VPS35L: variants seen among roughly 807,000 people sequenced by gnomAD.
VPS35L encodes VPS35 endosomal protein-sorting factor-like.
In VPS35L, 83 loss-of-function variants were observed where a neutral mutation model predicts 133.0. That is an observed-to-expected ratio of 0.62 (90% confidence interval 0.52 to 0.75). The LOEUF is 0.75. Ranked by LOEUF, VPS35L falls within the 30% of genes least tolerant of loss-of-function variation. The probability of loss-of-function intolerance (pLI) is 0.00; values close to 1 mark genes in which losing one functional copy is unlikely to be tolerated. For synonymous variants in VPS35L, 423 were observed against 449.9 expected, an observed-to-expected ratio of 0.94 and a Z score of 0.76; for missense variants, 1,083 against 1,206.8, an observed-to-expected ratio of 0.90 and a Z score of 1.52.
chr16:19,629,700 C>T, intron 17 of VPS35L, 67 bp from the exon 18 acceptor site: 1 of 1,409,090 alleles, frequency 7.1e-7, no homozygotes, highest in Non-Finnish European at 1.0e-6. Context: ...CCAGCTGAAG[C>T]CTCCTGTTTG....
rs1013639274 is a variant in VPS35L at position 19,629,630 on chromosome 16, A to C, written c.1501-137A>C. On this transcript the variant is annotated intron_variant, in intron 17 of 30. Coordinates refer to ENST00000417362, the MANE Select transcript of VPS35L (RefSeq NM_020314.7). Reference sequence around the variant, plus strand: ...TTAGTAGGATATTCCTAAATAAAAGATCAGCCTTTAAGCCAGTAATTAGCA... The same window carrying C: ...TTAGTAGGATATTCCTAAATAAAAGCTCAGCCTTTAAGCCAGTAATTAGCA... The C allele has an allele frequency of 4.9e-6, 3 of 607,360 alleles. No homozygotes were observed. The African/African-American group carries it at 5.6e-5, about 11-fold the overall frequency. 37.6% of individuals were successfully genotyped at this position (607,360 alleles called of 1,614,324 possible). A position where few individuals can be genotyped will look rare whatever the true frequency, so the allele number is the denominator to read the frequency against.
chr16:19,643,391 G>A (rs1344514301), intron 22 of VPS35L, among the ~76,000 whole-genome samples: 1 of 152,168 alleles, frequency 6.6e-6, no homozygotes, highest in Non-Finnish European at 1.5e-5. Flanking sequence ...TAGGGGTAGG[G>A]CAGCTCTTCT....
chr16:19,673,630 T>G (rs1179428246), intron 27 of VPS35L, among the ~76,000 whole-genome samples: 1 of 152,230 alleles, frequency 6.6e-6, no homozygotes, highest in African/African-American at 2.4e-5. Flanking sequence ...TATTTTTCCT[T>G]GTAGCATTGC....
chr16:19,566,191 C>T (rs1367572671), intron 2 of VPS35L, among the ~76,000 whole-genome samples: 4 of 152,116 alleles, frequency 2.6e-5, no homozygotes, highest in Non-Finnish European at 5.9e-5. Flanking sequence ...GGTGCCCGTT[C>T]CCCATGTTAA....
intron 9 of VPS35L, among the ~76,000 whole-genome samples, chr16:19,605,747 G>A (rs766538807): frequency 6.6e-6 from 1 of 152,136 alleles, no homozygotes; most frequent in Non-Finnish European, 1.5e-5. Flanking sequence ...TCACACTCAA[G>A]TCACTCTTTA....
chr16:19,658,732 A>G (rs922228761), intron 26 of VPS35L, among the ~76,000 whole-genome samples: 3 of 152,070 alleles, frequency 2.0e-5, no homozygotes, highest in Non-Finnish European at 4.4e-5. Flanking sequence ...AGGTCAGGGA[A>G]TATCTTGTTA....
intron 10 of VPS35L, chr16:19,608,750 A>G (rs1453923762): frequency 3.9e-6 from 2 of 514,648 alleles, no homozygotes; most frequent in South Asian, 3.5e-5. Flanking sequence ...GCATGCAACT[A>G]TGAATCAACG....
chr16:19,603,826 GGTTCAAGCGATTCTC>G (rs1972461913), intron 9 of VPS35L, among the ~76,000 whole-genome samples: 1 of 152,182 alleles, frequency 6.6e-6, no homozygotes, highest in Admixed American at 6.5e-5. Flanking sequence ...CCGCCTCCTG[GGTTCAAGCGATTCTC>G]CTGCCTCAGC....
chr16:19,676,808 C>G (rs79249738), intron 27 of VPS35L, among the ~76,000 whole-genome samples: 3 of 152,282 alleles, frequency 2.0e-5, no homozygotes, highest in South Asian at 4.1e-4. Context: ...GGAGGACAGA[C>G]TTCATGTTAA....
At chr16:19,621,830 C>T (rs1973091430) in intron 14 of VPS35L, among the ~76,000 whole-genome samples, 1 of 152,166 alleles carries the variant, frequency 6.6e-6, no homozygotes, top group African/African-American at 2.4e-5. Context: ...ATTTTTAGTG[C>T]ATTCATCTTT....
chr16:19,578,984 G>T, intron 5 of VPS35L, 68 bp from the exon 6 acceptor site: 3 of 1,256,212 alleles, frequency 2.4e-6, no homozygotes, highest in Admixed American at 1.8e-5. Context: ...TAGAGTGAAA[G>T]ATGCCTCCAC....
intron 28 of VPS35L, among the ~76,000 whole-genome samples, chr16:19,690,868 CAGG>C (rs995333180): frequency 6.6e-6 from 1 of 151,872 alleles, no homozygotes; most frequent in African/African-American, 2.4e-5. Context: ...GAGGCTGAGG[CAGG>C]AGGACTGCTT....
At chr16:19,653,391 A>T (rs1016390300) in intron 26 of VPS35L, among the ~76,000 whole-genome samples, 5 of 152,208 alleles carry the variant, frequency 3.3e-5, no homozygotes, top group African/African-American at 1.2e-4. Flanking sequence ...CCCTTTGCAC[A>T]AGTTATCTCA....
intron 26 of VPS35L, among the ~76,000 whole-genome samples, chr16:19,665,551 G>A (rs1050748492): frequency 6.6e-6 from 1 of 152,158 alleles, no homozygotes; most frequent in Admixed American, 6.5e-5. Context: ...TTGTGTATAT[G>A]TACCACATTT....
chr16:19,582,983 C>T (rs1971755649), intron 7 of VPS35L, among the ~76,000 whole-genome samples: 1 of 152,064 alleles, frequency 6.6e-6, no homozygotes, highest in Admixed American at 6.6e-5. Context: ...GCCTGGCCAA[C>T]ATGGTGAAAC....
rs182397827 is a variant in VPS35L at position 19,633,857 on chromosome 16, G to A, written c.1635+685G>A. Among the ~76,000 whole-genome samples the A allele has an allele frequency of 6.6e-6, 1 of 152,080 alleles. No homozygotes were observed. Among genetic ancestry groups the A allele is most frequent in the Non-Finnish European group, 1.5e-5 (1 of 68,028 alleles). On this transcript the variant is annotated intron_variant, in intron 19 of 30. Transcript: ENST00000417362. The surrounding 1 kb of genome is among the most constrained non-coding windows in gnomAD (Gnocchi z 4.1). ...TTCTTCTGTCTCAGCCTTCCGAGTA[G>A]CTGGGACTACAGGGGCGTGCCACCA...
chr16:19,608,499 G>A (rs1197216460), intron 10 of VPS35L: 5 of 501,246 alleles, frequency 1.0e-5, no homozygotes, highest in Non-Finnish European at 1.8e-5. Flanking sequence ...GATGCCATGT[G>A]TCAAGCATTT....
intron 9 of VPS35L, among the ~76,000 whole-genome samples, chr16:19,606,196 T>C (rs533640264): frequency 6.6e-6 from 1 of 152,350 alleles, no homozygotes; most frequent in East Asian, 1.9e-4. Context: ...GTTTTAGCCA[T>C]TGCTGAATCT....
intron 27 of VPS35L, among the ~76,000 whole-genome samples, chr16:19,672,870 C>G (rs954925803): frequency 1.3e-5 from 2 of 152,194 alleles, no homozygotes. Flanking sequence ...AGAAAAAAAT[C>G]AGGGTTTTGA....
Sources: allele counts gnomAD v4.1 joint callset (sites outside exome capture counted in the v4.1 genomes callset), GRCh38; gene constraint gnomAD v4.1.1; non-coding constraint Gnocchi (gnomAD v3.1); transcripts MANE v1.5; gene names NCBI Gene and HGNC (gene_info 2026-07-23, HGNC 2026-07-21).